DNAH7: variants seen among roughly 807,000 people sequenced by gnomAD.
DNAH7 encodes dynein axonemal heavy chain 7, also known as axonemal beta dynein heavy chain 7.
DNAH7 carries 397 observed loss-of-function variants against 444.6 expected under a neutral mutation model. The ratio of observed to expected loss-of-function variants is 0.89; its 90% CI spans 0.82 to 0.97. The LOEUF (loss-of-function observed/expected upper bound fraction) is 0.97. Ranked by LOEUF, DNAH7 falls within the 50% of genes least tolerant of loss-of-function variation. The pLI is 0.00. For missense variants in DNAH7, 4,902 were observed against 4,800.8 expected, an observed-to-expected ratio of 1.02 and a Z score of -0.62; for synonymous variants, 1,636 against 1,624.4, an observed-to-expected ratio of 1.01 and a Z score of -0.17.
chr2:195,872,282 T>C lies in DNAH7; in HGVS notation c.6601A>G (p.Thr2201Ala). The change falls in exon 40 of 65, where the codon ACA becomes GCA. Residue 2201 changes from threonine (T) to alanine (A), a missense_variant. Thr to Ala is a moderately conservative substitution (Grantham distance 58, BLOSUM62 0). Coordinates refer to ENST00000312428, the MANE Select transcript of DNAH7 (RefSeq NM_018897.3). The stretch of plus-strand genomic sequence containing the variant: ...ACCCAAAGACGTTTAATCACTTCTG[T>C]GGTTTCTGTTGTTTCTGGTCTTGAC... ...CLSRPETTET[T>A]EVIKRLWVHE... 3 of 1,613,886 alleles carry C rather than the reference T, an allele frequency of 1.9e-6. No homozygotes were observed. Among genetic ancestry groups the C allele is most frequent in the Non-Finnish European group, 2.5e-6 (3 of 1,179,874 alleles).
chr2:195,988,616 T>C lies in DNAH7; in HGVS notation c.1354-387A>G, dbSNP rs959430266. Among the ~76,000 whole-genome samples, 7 of 152,132 alleles carry C rather than the reference T, an allele frequency of 4.6e-5. No individual in the cohort carries two copies. In the East Asian group the frequency reaches 1.2e-3, roughly 25 times the overall value. ...TGTGATGCTTTGACACATGTATACA[T>C]TGTGTATTGATCAAATCAACATAAT... On this transcript the variant is annotated intron_variant, in intron 12 of 64. Coordinates refer to ENST00000312428, the MANE Select transcript of DNAH7 (RefSeq NM_018897.3).
chr2:195,834,277 A>G lies in DNAH7; in HGVS notation c.9029T>C (p.Leu3010Pro), dbSNP rs1379276679. ...AGGTTCACTAAGTTTAATCACATAA[A>G]GACTATTGGCTTTTTCCATGTTCTT... ...WIKNMEKANS[L>P]YVIKLSEPDY... Residue 3010 changes from leucine to proline, a missense_variant, in exon 48 of 65, where the codon CTT becomes CCT. Leu to Pro is a moderately conservative substitution (Grantham distance 98). Transcript: ENST00000312428. 6.2e-7 allele frequency: 1 copy of G among 1,609,780 alleles called. No homozygotes were observed. Among genetic ancestry groups the G allele is most frequent in the East Asian group, 2.2e-5 (1 of 44,750 alleles).
intron 21 of DNAH7, among the ~76,000 whole-genome samples, chr2:195,931,844 A>T (rs1384132453): frequency 6.6e-6 from 1 of 152,216 alleles, no homozygotes; most frequent in African/African-American, 2.4e-5. Context: ...TATAGTTTGA[A>T]GTCAGGTAGC....
intron 15 of DNAH7, among the ~76,000 whole-genome samples, chr2:195,975,667 C>T (rs1426567829): frequency 6.6e-6 from 1 of 152,144 alleles, no homozygotes; most frequent in East Asian, 1.9e-4. Flanking sequence ...CTTCATTCCA[C>T]TTGAGGAGAG....
At chr2:196,025,257 G>C (rs1695612335) in intron 7 of DNAH7, among the ~76,000 whole-genome samples, 1 of 152,110 alleles carries the variant, frequency 6.6e-6, no homozygotes, top group African/African-American at 2.4e-5. Context: ...AAACAGTCTT[G>C]TTATAAAATC....
At chr2:196,001,430 T>C (rs1321774251) in intron 11 of DNAH7, among the ~76,000 whole-genome samples, 15 of 151,652 alleles carry the variant, frequency 9.9e-5, no homozygotes, top group Admixed American at 9.9e-4. Context: ...AATGGCACAA[T>C]CTTGGCTCGC....
At chr2:195,978,084 A>G (rs1365202752) in intron 15 of DNAH7, among the ~76,000 whole-genome samples, 1 of 152,184 alleles carries the variant, frequency 6.6e-6, no homozygotes, top group African/African-American at 2.4e-5. Context: ...TGGTAAATAA[A>G]CAGAAAAACA....
At chr2:196,041,683 A>G (rs1696770719) in intron 5 of DNAH7, among the ~76,000 whole-genome samples, 1 of 151,984 alleles carries the variant, frequency 6.6e-6, no homozygotes, top group South Asian at 2.1e-4. Context: ...CGAAAGCATA[A>G]GCAACAAAAG....
rs139661267 is a variant in DNAH7 at position 195,792,609 on chromosome 2, A to G, written c.10716+1729T>C. Among the ~76,000 whole-genome samples, 6 of 152,316 alleles carry G rather than the reference A, an allele frequency of 3.9e-5. No homozygotes were observed. The East Asian group carries it at 5.8e-4, about 15-fold the overall frequency. On this transcript the variant is annotated intron_variant, in intron 57 of 64. Transcript: ENST00000312428. ...ACAGGAAATGGATATTACTGCATCA[A>G]CTGACAAAATTGAAACACAAATGAT...
intron 19 of DNAH7, among the ~76,000 whole-genome samples, chr2:195,948,241 T>C (rs937819095): frequency 3.3e-5 from 5 of 152,202 alleles, no homozygotes; most frequent in Non-Finnish European, 7.3e-5. Context: ...TTCTGTAGAC[T>C]GCCTGTTTAC....
chr2:195,765,976 T>C (rs554145073), intron 61 of DNAH7, among the ~76,000 whole-genome samples: 2 of 152,162 alleles, frequency 1.3e-5, no homozygotes, highest in East Asian at 3.9e-4. Flanking sequence ...AAGCAACCTG[T>C]GTCCATCAAC....
At chr2:195,751,824 T>C (rs1271627782) in intron 63 of DNAH7, among the ~76,000 whole-genome samples, 4 of 152,332 alleles carry the variant, frequency 2.6e-5, no homozygotes, top group Admixed American at 1.3e-4. Flanking sequence ...AAAAAACTTA[T>C]TTAGTTGCCT....
At chr2:195,809,960 A>G in intron 51 of DNAH7, 89 bp from the exon 52 acceptor site, 1 of 1,104,028 alleles carries the variant, frequency 9.1e-7, no homozygotes, top group South Asian at 3.0e-5. Context: ...TTCTTCTGAT[A>G]AACTTTCTGG....
intron 54 of DNAH7, among the ~76,000 whole-genome samples, chr2:195,800,734 GT>G (rs1308654640): frequency 6.6e-6 from 1 of 151,980 alleles, no homozygotes; most frequent in Non-Finnish European, 1.5e-5. Flanking sequence ...AAACAATGTT[GT>G]TAATTACTCA....
intron 63 of DNAH7, among the ~76,000 whole-genome samples, chr2:195,753,991 A>G (rs1307307397): frequency 6.6e-6 from 1 of 152,208 alleles, no homozygotes; most frequent in Non-Finnish European, 1.5e-5. Flanking sequence ...ATTATCCTAT[A>G]TGCTGTTAAT....
intron 43 of DNAH7, among the ~76,000 whole-genome samples, chr2:195,857,978 T>G (rs1392311851): frequency 6.6e-6 from 1 of 152,174 alleles, no homozygotes; most frequent in Non-Finnish European, 1.5e-5. Flanking sequence ...CATCTTAACT[T>G]TTAATACACC....
intron 39 of DNAH7, among the ~76,000 whole-genome samples, chr2:195,873,102 C>A (rs1700817395): frequency 6.6e-6 from 1 of 152,162 alleles, no homozygotes; most frequent in African/African-American, 2.4e-5. Flanking sequence ...ATGACAATTT[C>A]TTGAGAATGG....
intron 5 of DNAH7, among the ~76,000 whole-genome samples, chr2:196,031,522 C>T (rs1236004152): frequency 6.6e-6 from 1 of 152,128 alleles, no homozygotes; most frequent in Non-Finnish European, 1.5e-5. Flanking sequence ...TATCGTCAGG[C>T]TGCAAATTTT....
At chr2:195,943,963 G>T (rs1689634403) in intron 19 of DNAH7, among the ~76,000 whole-genome samples, 1 of 152,016 alleles carries the variant, frequency 6.6e-6, no homozygotes, top group African/African-American at 2.4e-5. Context: ...TCGCTTTTAG[G>T]TATATTCTCT....
Sources: allele counts gnomAD v4.1 joint callset (sites outside exome capture counted in the v4.1 genomes callset), GRCh38; gene constraint gnomAD v4.1.1; transcripts MANE v1.5; gene names NCBI Gene and HGNC (gene_info 2026-07-23, HGNC 2026-07-21).